The following BRWD1 variants were observed in gnomAD, a reference collection of about 807,000 sequenced individuals.
The protein encoded by BRWD1 is bromodomain and WD repeat-containing protein 1.
Under a neutral mutation model 251.2 loss-of-function variants are expected in BRWD1, and 82 were observed. The observed-to-expected ratio is 0.33, with a 90% CI of 0.27 to 0.39. The LOEUF (loss-of-function observed/expected upper bound fraction) is 0.39. Ranked by LOEUF, BRWD1 falls within the 10% of genes least tolerant of loss-of-function variation. The probability of loss-of-function intolerance (pLI) is 1.00; values close to 1 mark genes in which losing one functional copy is unlikely to be tolerated. For missense variants in BRWD1, 2,233 were observed against 2,711.6 expected, an observed-to-expected ratio of 0.82 and a Z score of 3.92; for synonymous variants, 918 against 902.8, an observed-to-expected ratio of 1.02 and a Z score of -0.30.
chr21:39,207,635 A>T (rs2032469003), intron 36 of BRWD1, among the ~76,000 whole-genome samples: 1 of 152,180 alleles, frequency 6.6e-6, no homozygotes, highest in South Asian at 2.1e-4. Flanking sequence ...CCCATGACCC[A>T]GCAATTCTAC....
intron 29 of BRWD1, among the ~76,000 whole-genome samples, chr21:39,220,081 A>G (rs79360950): frequency 4.2e-4 from 63 of 150,540 alleles, no homozygotes; most frequent in African/African-American, 1.5e-3. Context: ...AATCACATCT[A>G]TACCACCTAA....
At chr21:39,201,457 A>C (rs1416086827) in intron 38 of BRWD1, among the ~76,000 whole-genome samples, 2 of 152,206 alleles carry the variant, frequency 1.3e-5, no homozygotes, top group Non-Finnish European at 2.9e-5. Flanking sequence ...AAAGTTGCTA[A>C]ACTTTGACTG....
intron 7 of BRWD1, among the ~76,000 whole-genome samples, chr21:39,295,210 G>A (rs1159424062): frequency 2.7e-4 from 27 of 98,634 alleles, no homozygotes; most frequent in African/African-American, 6.7e-4. Flanking sequence ...TTTTTGAGAC[G>A]GAATCTCGCT....
At chr21:39,235,880 C>A in intron 23 of BRWD1, 1 of 168,114 alleles carries the variant, frequency 5.9e-6, no homozygotes. Context: ...GAACCATGGC[C>A]ACATCCCAAA....
chr21:39,294,932 A>G (rs1332937350), intron 7 of BRWD1, among the ~76,000 whole-genome samples: 1 of 152,150 alleles, frequency 6.6e-6, no homozygotes, highest in East Asian at 1.9e-4. Flanking sequence ...CGCTTAAAAC[A>G]TTAAAATGAT....
At chr21:39,202,027 G>C (rs1255785417) in intron 38 of BRWD1, among the ~76,000 whole-genome samples, 1 of 152,074 alleles carries the variant, frequency 6.6e-6, no homozygotes, top group Non-Finnish European at 1.5e-5. Context: ...TTGATTCTTA[G>C]TACTTCTTAA....
At position 39,225,214 on chromosome 21, in the gene BRWD1, C is replaced by G. The variant is rs1568886781; in HGVS notation, c.3209-17G>C. Reference sequence around the variant, plus strand: ...ATCTGTCACCTAGGAGAGAAATGATCAAGTCTGAGGCATTTCTCTGCTAAC... The same window carrying G: ...ATCTGTCACCTAGGAGAGAAATGATGAAGTCTGAGGCATTTCTCTGCTAAC... On this transcript the variant is annotated splice_polypyrimidine_tract_variant and intron_variant, in intron 27 of 40. Transcript: ENST00000342449. 2 of 1,516,774 alleles carry G rather than the reference C, an allele frequency of 1.3e-6. No individual in the cohort carries two copies. Among genetic ancestry groups the G allele is most frequent in the East Asian group, 2.3e-5 (1 of 44,374 alleles). 94.0% of individuals were successfully genotyped at this position (1,516,774 alleles called of 1,614,324 possible). A position where few individuals can be genotyped will look rare whatever the true frequency, so the allele number is the denominator to read the frequency against.
intron 23 of BRWD1, 135 bp from the exon 24 acceptor site, chr21:39,232,633 C>T (rs2033660512): frequency 3.2e-6 from 3 of 950,652 alleles, no homozygotes; most frequent in East Asian, 2.7e-5. Context: ...AGTTTTCACA[C>T]AGCATATATA....
Position 39,200,098 on chromosome 21 carries a change from A to G in BRWD1, c.4753+121T>C, listed in dbSNP as rs1198899119. The G allele has an allele frequency of 6.2e-6, 6 of 962,944 alleles. No homozygotes were observed. In the African/African-American group the frequency reaches 6.7e-5, roughly 11 times the overall value. 59.6% of individuals were successfully genotyped at this position (962,944 alleles called of 1,614,324 possible). A position where few individuals can be genotyped will look rare whatever the true frequency, so the allele number is the denominator to read the frequency against. ...CAAAATTCATTTCCTTCCTAAATCT[A>G]AGGAACCTAAAGGACATTAACTTAA... On this transcript the variant is annotated intron_variant, in intron 39 of 40. Transcript: ENST00000342449.
At chr21:39,291,475 G>A (rs1385522653) in intron 8 of BRWD1, among the ~76,000 whole-genome samples, 1 of 152,066 alleles carries the variant, frequency 6.6e-6, no homozygotes, top group Non-Finnish European at 1.5e-5. Flanking sequence ...ACAGCACTTG[G>A]CCCAACCCCA....
chr21:39,314,048 G>A (rs907998843), upstream of BRWD1: 41 of 455,910 alleles, frequency 9.0e-5, no homozygotes, highest in Admixed American at 4.0e-4. Context: ...CGCGGGTTGG[G>A]CAAGGTCGCC....
chr21:39,210,944 A>T lies in BRWD1; in HGVS notation c.3901-15T>A. The T allele has an allele frequency of 6.2e-7, 1 of 1,606,804 alleles. No homozygotes were observed. Among genetic ancestry groups the T allele is most frequent in the Non-Finnish European group, 8.5e-7 (1 of 1,178,088 alleles). ...CCATCATGGACCTAAAAATACATTC[A>T]CAGTCTTAAGAAAAATCACACTATT... On this transcript the variant is annotated splice_polypyrimidine_tract_variant and intron_variant, in intron 34 of 40. Coordinates refer to ENST00000342449, the MANE Select transcript of BRWD1 (RefSeq NM_033656.4).
intron 5 of BRWD1, chr21:39,297,902 A>G: frequency 5.1e-6 from 5 of 984,630 alleles, no homozygotes; most frequent in Non-Finnish European, 6.0e-6. Context: ...GAAAAAGAAT[A>G]GCAATTTCAA....
Position 39,270,304 on chromosome 21 carries a change from T to C in BRWD1, c.1374A>G (p.Gly458=). 6.2e-7 allele frequency: 1 copy of C among 1,602,320 alleles called. No individual in the cohort carries two copies. The highest frequency in any genetic ancestry group is 8.5e-7 in the Non-Finnish European group (1 of 1,175,480). The change falls in exon 14 of 41, where the codon GGA becomes GGG. Residue 458 remains glycine (G), a synonymous_variant. Transcript: ENST00000342449. The stretch of plus-strand genomic sequence containing the variant: ...CTACCATTAAGTTATGAAGCAGTTG[T>C]CCAGTGTAAGAATTCCACACTTTGA... ...HVLKVWNSYT[G]QLLHNLMGHA...
intron 19 of BRWD1, among the ~76,000 whole-genome samples, chr21:39,254,262 C>G (rs1440188339): frequency 6.6e-6 from 1 of 151,940 alleles, no homozygotes; most frequent in Non-Finnish European, 1.5e-5. Context: ...AACTCTGTCT[C>G]AAAAAAATAA....
intron 4 of BRWD1, among the ~76,000 whole-genome samples, chr21:39,309,632 G>A (rs1013988069): frequency 1.6e-4 from 25 of 151,734 alleles, no homozygotes; most frequent in Non-Finnish European, 2.9e-4. Context: ...AGACCATCCT[G>A]GCTAACACAG....
rs191261057 is a variant in BRWD1 at position 39,206,336 on chromosome 21, T to C, written c.4198-62A>G. On this transcript the variant is annotated intron_variant, in intron 36 of 40. Transcript: ENST00000342449. ...AGCCTTAAAAGTACTTAAGAAATAATTGTAATCATTGAGATCCCTTGCAAT... is the reference window on the plus strand; with the variant it reads ...AGCCTTAAAAGTACTTAAGAAATAACTGTAATCATTGAGATCCCTTGCAAT... 9 of 1,221,456 alleles carry C rather than the reference T, an allele frequency of 7.4e-6. 1 individual carries two copies. In the Middle Eastern group the frequency reaches 8.3e-4, roughly 113 times the overall value. The allele number at this position is 1,221,456 out of a possible 1,614,324, so 75.7% of individuals were successfully genotyped here.
At chr21:39,241,492 A>AAAAAAAAAAAAAAAAAAAAAAAAAAT (rs2033996117) in intron 21 of BRWD1, among the ~76,000 whole-genome samples, 1 of 127,722 alleles carries the variant, frequency 7.8e-6, no homozygotes, top group Admixed American at 7.2e-5. Flanking sequence ...AAAAAAAAAA[A>AAAAAAAAAAAAAAAAAAAAAAAAAAT]AAAAAAAAAA....
At chr21:39,200,183 A>G (rs1343377323) in intron 39 of BRWD1, 36 bp downstream of exon 39, 1 of 1,556,426 alleles carries the variant, frequency 6.4e-7, no homozygotes, top group Admixed American at 2.0e-5. Context: ...GATTCTTTTG[A>G]TATACATTCC....
Sources: allele counts gnomAD v4.1 joint callset (sites outside exome capture counted in the v4.1 genomes callset), GRCh38; gene constraint gnomAD v4.1.1; transcripts MANE v1.5; gene names NCBI Gene and HGNC (gene_info 2026-07-23, HGNC 2026-07-21).